GALNT7: variants seen among roughly 807,000 people sequenced by gnomAD.
The protein encoded by GALNT7 is N-acetylgalactosaminyltransferase 7.
A neutral mutation model predicts 82.1 loss-of-function variants in GALNT7; 60 were observed. That is an observed-to-expected ratio of 0.73 (90% confidence interval 0.59 to 0.91). The LOEUF is 0.91. Among genes scored for constraint, GALNT7 ranks in the 40% least tolerant of loss-of-function variants. The pLI, the probability that GALNT7 is intolerant of heterozygous loss-of-function variation, is 0.00. For missense variants in GALNT7, 660 were observed against 804.2 expected, an observed-to-expected ratio of 0.82 and a Z score of 2.17; for synonymous variants, 243 against 275.1, an observed-to-expected ratio of 0.88 and a Z score of 1.15.
intron 1 of GALNT7, chr4:173,169,655 C>G (rs1304324834): frequency 1.3e-5 from 2 of 151,616 alleles, no homozygotes; most frequent in African/African-American, 4.8e-5. Context: ...GTCCCCCTCG[C>G]GTCCCTGGGC....
chr4:173,217,936 A>C (rs1318961031), intron 1 of GALNT7, among the ~76,000 whole-genome samples: 1 of 152,244 alleles, frequency 6.6e-6, no homozygotes, highest in Non-Finnish European at 1.5e-5. Context: ...TGCTAAGGGT[A>C]CTGACAATTG....
At position 173,302,204 on chromosome 4, in the gene GALNT7, T is replaced by C. The variant is rs202246037; in HGVS notation, c.1266+40T>C. 7.2e-4 allele frequency: 652 copies of C among 906,406 alleles called. 3 individuals carry two copies. Among genetic ancestry groups the C allele is most frequent in the Non-Finnish European group, 3.5e-4 (186 of 537,442 alleles). 56.1% of individuals were successfully genotyped at this position (906,406 alleles called of 1,614,324 possible). On this transcript the variant is annotated intron_variant, in intron 7 of 11. Coordinates refer to ENST00000265000, the MANE Select transcript of GALNT7 (RefSeq NM_017423.3). The surrounding 1 kb of genome is among the most constrained non-coding windows in gnomAD (Gnocchi z 4.2). The stretch of plus-strand genomic sequence containing the variant: ...CAACAGATGGAATTCTCCAAGTCGT[T>C]ACTAACTTCTGTGGCTTTCAGATAA...
intron 2 of GALNT7, among the ~76,000 whole-genome samples, chr4:173,272,597 A>G (rs1735767955): frequency 6.6e-6 from 1 of 152,238 alleles, no homozygotes; most frequent in African/African-American, 2.4e-5. Flanking sequence ...AATTACAATG[A>G]AGCAGAGATG....
intron 1 of GALNT7, among the ~76,000 whole-genome samples, chr4:173,216,167 GT>G (rs1733450793): frequency 6.6e-6 from 1 of 152,136 alleles, no homozygotes; most frequent in Admixed American, 6.5e-5. Context: ...TGATGTCTAT[GT>G]TATGATTCTA....
intron 1 of GALNT7, among the ~76,000 whole-genome samples, chr4:173,183,185 T>G (rs192941368): frequency 9.2e-5 from 14 of 152,142 alleles, no homozygotes; most frequent in Admixed American, 1.3e-4. Flanking sequence ...AAAATAAAAT[T>G]TCATTTCTAA....
chr4:173,244,984 G>C (rs114639895), intron 1 of GALNT7, among the ~76,000 whole-genome samples: 1 of 152,072 alleles, frequency 6.6e-6, no homozygotes, highest in Non-Finnish European at 1.5e-5. Context: ...TTAAATTTAG[G>C]TACTAGAGAG....
At chr4:173,247,750 C>T (rs932087110) in intron 1 of GALNT7, among the ~76,000 whole-genome samples, 3 of 152,122 alleles carry the variant, frequency 2.0e-5, no homozygotes, top group Admixed American at 2.0e-4. Flanking sequence ...AAAATGCATC[C>T]TTTCATTAAT....
At chr4:173,213,660 A>G (rs901978000) in intron 1 of GALNT7, among the ~76,000 whole-genome samples, 2 of 152,154 alleles carry the variant, frequency 1.3e-5, no homozygotes, top group Non-Finnish European at 2.9e-5. Flanking sequence ...CTATATAGTG[A>G]TTATTTCTCG....
chr4:173,174,923 A>G (rs2126618175), intron 1 of GALNT7, among the ~76,000 whole-genome samples: 1 of 152,334 alleles, frequency 6.6e-6, no homozygotes, highest in South Asian at 2.1e-4. Flanking sequence ...AACGTGTGAG[A>G]TACGATTTGG....
At chr4:173,290,522 C>T (rs1004913865) in intron 2 of GALNT7, among the ~76,000 whole-genome samples, 1 of 152,068 alleles carries the variant, frequency 6.6e-6, no homozygotes, top group Non-Finnish European at 1.5e-5. Flanking sequence ...TATCTCTCCT[C>T]CTCAGAAAAG....
chr4:173,280,197 C>T (rs1471869971), intron 2 of GALNT7, among the ~76,000 whole-genome samples: 1 of 152,092 alleles, frequency 6.6e-6, no homozygotes, highest in Non-Finnish European at 1.5e-5. Flanking sequence ...ACCAAATACA[C>T]AAAAGCATGC....
intron 2 of GALNT7, among the ~76,000 whole-genome samples, chr4:173,289,474 G>C (rs1736459480): frequency 6.6e-6 from 1 of 152,198 alleles, no homozygotes; most frequent in Non-Finnish European, 1.5e-5. Context: ...CCGAGTTACA[G>C]CTAAATCCAA....
At chr4:173,197,115 G>A (rs1020503011) in intron 1 of GALNT7, among the ~76,000 whole-genome samples, 2 of 147,230 alleles carry the variant, frequency 1.4e-5, no homozygotes, top group Non-Finnish European at 3.0e-5. Context: ...ATCATTTGGG[G>A]TTGTCAAGAT....
At chr4:173,273,825 GC>G (rs1735810622) in intron 2 of GALNT7, among the ~76,000 whole-genome samples, 1 of 151,880 alleles carries the variant, frequency 6.6e-6, no homozygotes, top group Admixed American at 6.6e-5. Context: ...GTCTTTGTAA[GC>G]TGCTCAAAGT....
rs1207488506 is a variant in GALNT7, at chr4:173,298,288, A to G, written c.1139A>G (p.Glu380Gly). 6.4e-7 allele frequency: 1 copy of G among 1,565,924 alleles called. No individual in the cohort carries two copies. Among genetic ancestry groups the G allele is most frequent in the South Asian group, 1.2e-5 (1 of 82,528 alleles). Residue 380 changes from glutamate to glycine, a missense_variant, in exon 6 of 12, where the codon GAA becomes GGA. By Grantham distance (98) the Glu-to-Gly change is moderately conservative. This residue lies in a region of GALNT7 where 527 missense variants were observed against 683.5 expected (regional missense o/e 0.77). Coordinates refer to ENST00000265000, the MANE Select transcript of GALNT7 (RefSeq NM_017423.3). ...QEKRLRKTKT[E>G]PYRSPAMAGG... ...AAGAGACTGAGAAAGACAAAAACTGAACCGTATCGGTAATCACTAAATCAC... is the reference window on the plus strand; with the variant it reads ...AAGAGACTGAGAAAGACAAAAACTGGACCGTATCGGTAATCACTAAATCAC...
At chr4:173,172,193 A>G (rs1477355792) in intron 1 of GALNT7, among the ~76,000 whole-genome samples, 1 of 152,164 alleles carries the variant, frequency 6.6e-6, no homozygotes, top group Non-Finnish European at 1.5e-5. Flanking sequence ...GGTTTTATAC[A>G]TTGGCATGAT....
intron 1 of GALNT7, among the ~76,000 whole-genome samples, chr4:173,220,367 A>G (rs990713609): frequency 2.0e-5 from 3 of 152,274 alleles, no homozygotes; most frequent in Middle Eastern, 3.4e-3. Flanking sequence ...TTTTTATACC[A>G]GTATCATTGC....
At chr4:173,211,860 GTA>G (rs778625899) in intron 1 of GALNT7, among the ~76,000 whole-genome samples, 1 of 152,164 alleles carries the variant, frequency 6.6e-6, no homozygotes, top group Non-Finnish European at 1.5e-5. Context: ...AATTATTTTA[GTA>G]TATCTCTGGA....
intron 1 of GALNT7, among the ~76,000 whole-genome samples, chr4:173,232,889 C>G (rs1734076494): frequency 6.6e-6 from 1 of 152,192 alleles, no homozygotes; most frequent in Non-Finnish European, 1.5e-5. Flanking sequence ...ACCAATCTCT[C>G]TTTACCCCTT....
Sources: allele counts gnomAD v4.1 joint callset (sites outside exome capture counted in the v4.1 genomes callset), GRCh38; gene constraint gnomAD v4.1.1; regional missense constraint gnomAD v4.1.1; non-coding constraint Gnocchi (gnomAD v3.1); transcripts MANE v1.5; gene names NCBI Gene and HGNC (gene_info 2026-07-23, HGNC 2026-07-21).